TOGARAM2: variants seen among roughly 807,000 people sequenced by gnomAD.
TOGARAM2 encodes the protein TOG array regulator of axonemal microtubules 2.
TOGARAM2 carries 85 observed loss-of-function variants against 93.3 expected under a neutral mutation model. That is an observed-to-expected ratio of 0.91 (90% CI 0.76 to 1.09). TOGARAM2 has a LOEUF of 1.09. Among genes scored for constraint, TOGARAM2 ranks in the 50% least tolerant of loss-of-function variants. The probability of loss-of-function intolerance (pLI) is 0.00; values close to 1 mark genes in which losing one functional copy is unlikely to be tolerated. For missense variants in TOGARAM2, 1,277 were observed against 1,334.5 expected (o/e 0.96, Z 0.67); for synonymous variants, 593 against 552.8 (o/e 1.07, Z -1.02).
chr2:29,030,423 A>G (rs1235217227), intron 14 of TOGARAM2, among the ~76,000 whole-genome samples: 1 of 152,128 alleles, frequency 6.6e-6, no homozygotes, highest in East Asian at 1.9e-4. Flanking sequence ...TAGAGCATCT[A>G]CTATATAATA....
In TOGARAM2 at chr2:28,999,473, GC is replaced by G. The variant is rs1558414540; in HGVS notation, c.427+6del. 4.4e-6 allele frequency: 7 copies of G among 1,591,426 alleles called. No homozygotes were observed. The highest frequency in any genetic ancestry group is 1.7e-4 in the Middle Eastern group (1 of 5,944). Reference sequence around the variant, plus strand: ...GCTTGGCAGCGTCTTCCCGAGGTGAGCACTGGCCCCTGCCCACCCCTCACCC... The same window carrying G: ...GCTTGGCAGCGTCTTCCCGAGGTGAGACTGGCCCCTGCCCACCCCTCACCC... On this transcript the variant is annotated splice_donor_region_variant and intron_variant, in intron 4 of 19. Transcript: ENST00000379558.
intron 1 of TOGARAM2, among the ~76,000 whole-genome samples, chr2:28,959,176 CA>C (rs1340959072): frequency 6.6e-6 from 1 of 152,146 alleles, no homozygotes; most frequent in African/African-American, 2.4e-5. Context: ...AAAAAGTGCC[CA>C]GCTGTCAAGA....
chr2:28,978,489 A>G (rs1558396255), upstream of TOGARAM2, among the ~76,000 whole-genome samples: 2 of 152,178 alleles, frequency 1.3e-5, no homozygotes, highest in African/African-American at 4.8e-5. Context: ...TTACAAATCA[A>G]CAAGGGCCAA....
At chr2:28,992,731 G>A (rs184548547) in intron 1 of TOGARAM2, among the ~76,000 whole-genome samples, 107 of 152,296 alleles carry the variant, frequency 7.0e-4, no homozygotes, top group African/African-American at 2.3e-3. Flanking sequence ...CTGAACTACA[G>A]ACCAGTGATT....
At chr2:29,005,968 T>C (rs1340303420) in intron 6 of TOGARAM2, among the ~76,000 whole-genome samples, 1 of 102,072 alleles carries the variant, frequency 9.8e-6, no homozygotes. Flanking sequence ...TGTATTTGTG[T>C]GTGAGACCGT....
intron 8 of TOGARAM2, among the ~76,000 whole-genome samples, chr2:29,015,255 C>A (rs904652376): frequency 2.0e-5 from 3 of 152,134 alleles, no homozygotes; most frequent in Non-Finnish European, 4.4e-5. Context: ...GAAACACAAA[C>A]AATGATTCAG....
chr2:28,985,761 GA>G (rs1672436390), intron 1 of TOGARAM2, among the ~76,000 whole-genome samples: 1 of 152,150 alleles, frequency 6.6e-6, no homozygotes, highest in African/African-American at 2.4e-5. Context: ...GAAAAAGACT[GA>G]AATGAATGTA....
At chr2:29,005,628 GT>G in intron 6 of TOGARAM2, among the ~76,000 whole-genome samples, 2 of 70,180 alleles carry the variant, frequency 2.8e-5, no homozygotes, top group Non-Finnish European at 3.9e-5. Context: ...CATGTGTGGA[GT>G]GTGTGTGCAT....
chr2:28,997,926 G>T (rs1461654595), intron 2 of TOGARAM2, among the ~76,000 whole-genome samples: 1 of 152,200 alleles, frequency 6.6e-6, no homozygotes, highest in Admixed American at 6.5e-5. Flanking sequence ...AGAGGCTGGG[G>T]CAAGCGGGGT....
intron 6 of TOGARAM2, among the ~76,000 whole-genome samples, chr2:29,005,851 T>C (rs1008295215): frequency 6.7e-6 from 1 of 149,456 alleles, no homozygotes; most frequent in Non-Finnish European, 1.5e-5. Flanking sequence ...TCAGTGCATG[T>C]GTGTGCATAT....
At chr2:28,983,198 A>ATATTT (rs1196223294) in intron 1 of TOGARAM2, among the ~76,000 whole-genome samples, 1 of 56,626 alleles carries the variant, frequency 1.8e-5, no homozygotes, top group African/African-American at 8.3e-5. Flanking sequence ...ATATATATAT[A>ATATTT]TTTTTTTTTT....
At chr2:29,050,829 C>G (rs1426450560) in intron 19 of TOGARAM2, 1 of 152,244 alleles carries the variant, frequency 6.6e-6, no homozygotes, top group East Asian at 1.9e-4. Flanking sequence ...TCTGGGGACC[C>G]AGGAGAGCCC....
At chr2:28,992,657 C>G (rs778707820) in intron 1 of TOGARAM2, among the ~76,000 whole-genome samples, 1 of 152,190 alleles carries the variant, frequency 6.6e-6, no homozygotes, top group African/African-American at 2.4e-5. Context: ...GAAACTGAAG[C>G]AGCAATGACC....
At chr2:28,998,288 T>G in intron 3 of TOGARAM2, 35 bp downstream of exon 3, 2 of 1,501,688 alleles carry the variant, frequency 1.3e-6, no homozygotes, top group Non-Finnish European at 1.8e-6. Context: ...TCAGGGCCCC[T>G]GGCCTCATCC....
chr2:29,017,432 A>G, intron 9 of TOGARAM2, 128 bp downstream of exon 9: 1 of 975,248 alleles, frequency 1.0e-6, no homozygotes, highest in Non-Finnish European at 1.4e-6. Flanking sequence ...TTAGAGATGG[A>G]GCCTCACTCT....
intron 15 of TOGARAM2, 81 bp downstream of exon 15, chr2:29,033,132 C>T (rs1026357289): frequency 2.6e-6 from 3 of 1,162,760 alleles, no homozygotes; most frequent in African/African-American, 3.0e-5. Flanking sequence ...TCATGTGGGT[C>T]AGGGGAGTGG....
chr2:29,037,708 G>A (rs1250196298), intron 18 of TOGARAM2, among the ~76,000 whole-genome samples: 2 of 152,106 alleles, frequency 1.3e-5, no homozygotes, highest in African/African-American at 2.4e-5. Flanking sequence ...GTCCCTCTCT[G>A]CCTCTTGAGT....
chr2:28,957,848 ACT>A (rs1461072776), intron 1 of TOGARAM2, among the ~76,000 whole-genome samples: 2 of 151,644 alleles, frequency 1.3e-5, no homozygotes, highest in Non-Finnish European at 2.9e-5. Flanking sequence ...TTTTTTTGCC[ACT>A]CTCTCACAGC....
At chr2:28,990,818 G>C (rs1047581663) in intron 1 of TOGARAM2, among the ~76,000 whole-genome samples, 19 of 152,008 alleles carry the variant, frequency 1.2e-4, no homozygotes, top group Admixed American at 3.3e-4. Flanking sequence ...AGAGCTGGAG[G>C]GGGTCGAAGG....
Sources: gnomAD v4.1 joint callset for allele counts (sites outside exome capture counted in the v4.1 genomes callset) on GRCh38, gnomAD v4.1.1 for gene constraint, MANE v1.5 for transcripts, NCBI Gene and HGNC (gene_info 2026-07-23, HGNC 2026-07-21) for gene names.